Variants in ITGA8 observed in about 807,000 individuals in gnomAD.
ITGA8 encodes integrin alpha-8.
ITGA8 carries 91 observed loss-of-function variants against 142.3 expected under a neutral mutation model. The observed-to-expected ratio is 0.64, with a 90% CI of 0.54 to 0.76. ITGA8 has a LOEUF of 0.76. ITGA8 is among the 30% of genes least tolerant of loss of function. The probability of loss-of-function intolerance (pLI) is 0.00; values close to 1 mark genes in which losing one functional copy is unlikely to be tolerated. For missense variants in ITGA8, 1,406 were observed against 1,327.7 expected (o/e 1.06, Z -0.92); for synonymous variants, 505 against 485.2 (o/e 1.04, Z -0.54).
At chr10:15,615,340 G>T (rs983878720) in intron 14 of ITGA8, among the ~76,000 whole-genome samples, 3 of 152,172 alleles carry the variant, frequency 2.0e-5, no homozygotes, top group Non-Finnish European at 4.4e-5. Context: ...CTCTGAGTTT[G>T]TCTTGGGACT....
intron 2 of ITGA8, among the ~76,000 whole-genome samples, chr10:15,708,814 T>C (rs982340431): frequency 2.6e-5 from 4 of 152,128 alleles, no homozygotes; most frequent in African/African-American, 7.2e-5. Context: ...CAGTGTGCAA[T>C]TAGACACACC....
chr10:15,699,728 T>C (rs1273923740), intron 2 of ITGA8, among the ~76,000 whole-genome samples: 3 of 152,234 alleles, frequency 2.0e-5, no homozygotes, highest in Admixed American at 6.5e-5. Context: ...AATGATCATA[T>C]TCTTTTGATT....
Position 15,594,095 on chromosome 10 carries a change from C to T in ITGA8, c.2212-1791G>A, listed in dbSNP as rs575275732. 3.0e-4 allele frequency among the ~76,000 whole-genome samples: 46 copies of T among 152,214 alleles called. 1 individual carries two copies. Among genetic ancestry groups the T allele is most frequent in the Middle Eastern group, 6.8e-3 (2 of 294 alleles). On this transcript the variant is annotated intron_variant, in intron 21 of 29. Coordinates refer to ENST00000378076, the MANE Select transcript of ITGA8 (RefSeq NM_003638.3). ...GACCTCATGATCCGCCCGCCTTGAC[C>T]TCCCCAAGTGCTGGGGTTACAGGTG...
intron 23 of ITGA8, among the ~76,000 whole-genome samples, chr10:15,579,899 A>T (rs1834372099): frequency 6.6e-6 from 1 of 151,952 alleles, no homozygotes; most frequent in African/African-American, 2.4e-5. Context: ...CTAAATGCTT[A>T]TATACAAAAA....
At chr10:15,633,973 G>C (rs997656221) in intron 13 of ITGA8, among the ~76,000 whole-genome samples, 1 of 152,124 alleles carries the variant, frequency 6.6e-6, no homozygotes, top group South Asian at 2.1e-4. Context: ...CCTGTTCTGC[G>C]AAGTCTTGCT....
chr10:15,575,631 G>T, intron 23 of ITGA8, 37 bp from the exon 24 acceptor site: 1 of 1,517,920 alleles, frequency 6.6e-7, no homozygotes, highest in Non-Finnish European at 9.1e-7. Flanking sequence ...GTTAGCAATG[G>T]CCCAGGTAAA....
In ITGA8 at chr10:15,577,468, G is replaced by A. The variant is rs186115563; in HGVS notation, c.2373-1874C>T. 8.5e-5 allele frequency among the ~76,000 whole-genome samples: 13 copies of A among 152,058 alleles called. No individual in the cohort carries two copies. The East Asian group carries it at 2.1e-3, about 25-fold the overall frequency. Reference sequence around the variant, plus strand: ...ACCATGGGGGCTCCTAAGCTGCAGTGGTATTTAGTGAAGACGACTTAAACT... The same window carrying A: ...ACCATGGGGGCTCCTAAGCTGCAGTAGTATTTAGTGAAGACGACTTAAACT... On this transcript the variant is annotated intron_variant, in intron 23 of 29. Coordinates refer to ENST00000378076, the MANE Select transcript of ITGA8 (RefSeq NM_003638.3).
At chr10:15,548,897 C>T (rs1231877809) in intron 26 of ITGA8, among the ~76,000 whole-genome samples, 1 of 152,156 alleles carries the variant, frequency 6.6e-6, no homozygotes, top group Non-Finnish European at 1.5e-5. Flanking sequence ...GTGCTGGGTT[C>T]AGCAAGTCTG....
rs186754505 is a variant in ITGA8, at chr10:15,537,076, T to C, written c.2881-5925A>G. The stretch of plus-strand genomic sequence containing the variant: ...TCTATTTCAAGCAACAATCACAGAA[T>C]AGGGGACCATTTAGGATTAACCTAC... On this transcript the variant is annotated intron_variant, in intron 27 of 29. Transcript: ENST00000378076. 5.3e-5 allele frequency among the ~76,000 whole-genome samples: 8 copies of C among 152,312 alleles called. No homozygotes were observed. In the East Asian group the frequency reaches 1.3e-3, roughly 26 times the overall value.
chr10:15,634,438 T>C (rs1052436333), intron 13 of ITGA8, among the ~76,000 whole-genome samples: 1 of 152,172 alleles, frequency 6.6e-6, no homozygotes, highest in Non-Finnish European at 1.5e-5. Context: ...TTATACATGT[T>C]TTACCACTGA....
intron 2 of ITGA8, among the ~76,000 whole-genome samples, chr10:15,708,214 C>T (rs963937803): frequency 1.3e-5 from 2 of 152,112 alleles, no homozygotes; most frequent in South Asian, 4.1e-4. Flanking sequence ...TCTTTTCCCC[C>T]CTTAGATGAC....
In ITGA8 at chr10:15,712,534, G is replaced by A. The variant is rs1390209741; in HGVS notation, c.343+6232C>T. On this transcript the variant is annotated intron_variant, in intron 2 of 29. Coordinates refer to ENST00000378076, the MANE Select transcript of ITGA8 (RefSeq NM_003638.3). ...GAGAATCATTTTAACCCGGGAGATG[G>A]AGGTTGCAGTTAGCTGAGATTGTGC... 2.6e-5 allele frequency among the ~76,000 whole-genome samples: 4 copies of A among 152,198 alleles called. No homozygotes were observed. The East Asian group carries it at 7.7e-4, about 29-fold the overall frequency.
Position 15,572,367 on chromosome 10 carries a change from C to G in ITGA8, c.2481G>C (p.Leu827=). 6.2e-7 allele frequency: 1 copy of G among 1,613,470 alleles called. No homozygotes were observed. The highest frequency in any genetic ancestry group is 8.5e-7 in the Non-Finnish European group (1 of 1,179,748). Residue 827 remains leucine, a splice_region_variant and synonymous_variant, in exon 25 of 30, where the codon CTG becomes CTC. Coordinates refer to ENST00000378076, the MANE Select transcript of ITGA8 (RefSeq NM_003638.3). ...TGATGGTACTTGGTCCAATATTGTG[C>G]AGCTGTAAACAAGTGACATGTTATC... is the stretch of plus-strand genomic sequence containing the variant. ...VGPLVEHIYE[L]HNIGPSTISD...
chr10:15,696,757 C>G (rs1273762499), intron 2 of ITGA8, among the ~76,000 whole-genome samples: 1 of 150,908 alleles, frequency 6.6e-6, no homozygotes, highest in African/African-American at 2.4e-5. Context: ...CTTTGGGAGA[C>G]CAAGGCAGGA....
chr10:15,719,900 C>T lies in ITGA8; in HGVS notation c.-129G>A, dbSNP rs1046254552. 7.1e-6 allele frequency: 5 copies of T among 703,440 alleles called. No homozygotes were observed. In the Middle Eastern group the frequency reaches 1.4e-3, roughly 190 times the overall value. The allele number at this position is 703,440 out of a possible 1,614,324, so 43.6% of individuals were successfully genotyped here. A position where few individuals can be genotyped will look rare whatever the true frequency, so the allele number is the denominator to read the frequency against. On this transcript the variant is annotated 5_prime_UTR_variant, in exon 1 of 30. Coordinates refer to ENST00000378076, the MANE Select transcript of ITGA8 (RefSeq NM_003638.3). The stretch of plus-strand genomic sequence containing the variant: ...CCCGGGTCGGTGCGCTCGGCGCACC[C>T]GTGGTGACAGTGCCCGGCGTCTGCT...
At chr10:15,558,352 C>T in intron 25 of ITGA8, 150 bp from the exon 26 acceptor site, 1 of 850,098 alleles carries the variant, frequency 1.2e-6, no homozygotes. Context: ...GTGTGTTTAA[C>T]AGTGACATGA....
chr10:15,671,590 C>G lies in ITGA8; in HGVS notation c.847+13G>C. On this transcript the variant is annotated intron_variant, in intron 8 of 29. Transcript: ENST00000378076. ...TGCTTTATAAGTGATTTAAACTCAA[C>G]AGTGCCTCTCACCTTGCTGAGAATC... 6.2e-7 allele frequency: 1 copy of G among 1,607,290 alleles called. No individual in the cohort carries two copies. The highest frequency in any genetic ancestry group is 8.5e-7 in the Non-Finnish European group (1 of 1,173,950).
At chr10:15,552,976 G>A (rs1315799768) in intron 26 of ITGA8, among the ~76,000 whole-genome samples, 1 of 152,094 alleles carries the variant, frequency 6.6e-6, no homozygotes, top group African/African-American at 2.4e-5. Context: ...TTTACTTGAG[G>A]CTGGGTGCGG....
chr10:15,631,377 C>G (rs6602050), intron 13 of ITGA8, among the ~76,000 whole-genome samples: 1 of 151,596 alleles, frequency 6.6e-6, no homozygotes, highest in Non-Finnish European at 1.5e-5. Flanking sequence ...CATGGAATAC[C>G]ATGCAGCCAT....
Sources: allele counts gnomAD v4.1 joint callset (sites outside exome capture counted in the v4.1 genomes callset), GRCh38; gene constraint gnomAD v4.1.1; transcripts MANE v1.5; gene names NCBI Gene and HGNC (gene_info 2026-07-23, HGNC 2026-07-21).